Variants in COLEC11 observed in about 807,000 individuals in gnomAD.
The protein encoded by COLEC11 is collectin-11.
Under a neutral mutation model 27.3 loss-of-function variants are expected in COLEC11, and 20 were observed. That is an observed-to-expected ratio of 0.73 (90% confidence interval 0.51 to 1.06). COLEC11 has a LOEUF of 1.06. Ranked by LOEUF, COLEC11 falls within the 50% of genes least tolerant of loss-of-function variation. COLEC11 has a pLI of 0.00. For missense variants in COLEC11, 310 were observed against 383.0 expected, an observed-to-expected ratio of 0.81 and a Z score of 1.59; for synonymous variants, 163 against 154.7, an observed-to-expected ratio of 1.05 and a Z score of -0.40.
chr2:3,626,931 C>T (rs937551082), intron 3 of COLEC11, among the ~76,000 whole-genome samples: 2 of 152,120 alleles, frequency 1.3e-5, no homozygotes, highest in African/African-American at 2.4e-5. Context: ...CGCCACCACC[C>T]TCCACACCCT....
At chr2:3,613,204 C>G (rs6748147) in intron 2 of COLEC11, 107 bp from the exon 3 acceptor site, 28 of 1,269,324 alleles carry the variant, frequency 2.2e-5, no homozygotes, top group Admixed American at 3.9e-5. Flanking sequence ...GCTTGGCCAC[C>G]TGCAGGGACC....
intron 4 of COLEC11, among the ~76,000 whole-genome samples, chr2:3,639,177 T>G (rs1174965435): frequency 6.6e-6 from 1 of 152,246 alleles, no homozygotes; most frequent in South Asian, 2.1e-4. Flanking sequence ...ACCATATGGA[T>G]GGACCACAAT....
In COLEC11 at chr2:3,641,718, A is replaced by AG. The variant is rs546627337; in HGVS notation, c.328+1394dup. On this transcript the variant is annotated intron_variant, in intron 5 of 6. Coordinates refer to ENST00000349077, the MANE Select transcript of COLEC11 (RefSeq NM_024027.5). Reference sequence around the variant, plus strand: ...GTTTCAAATGTGCAAGTGTGAGTGGAGGGGGGGTGTCTCACGTATGAGGGC... The same window carrying AG: ...GTTTCAAATGTGCAAGTGTGAGTGGAGGGGGGGGTGTCTCACGTATGAGGGC... Among the ~76,000 whole-genome samples, 396 of 152,176 alleles carry AG rather than the reference A, an allele frequency of 2.6e-3. 3 individuals are homozygous for AG. Among genetic ancestry groups the AG allele is most frequent in the African/African-American group, 9.1e-3 (377 of 41,524 alleles).
At chr2:3,615,879 G>A (rs1314243245) in intron 3 of COLEC11, among the ~76,000 whole-genome samples, 21 of 147,112 alleles carry the variant, frequency 1.4e-4, no homozygotes, top group Non-Finnish European at 2.3e-4. Context: ...TCCCGGACGC[G>A]GCGGCTGGCC....
chr2:3,629,911 T>TAC (rs1664849992), intron 3 of COLEC11, among the ~76,000 whole-genome samples: 1 of 152,246 alleles, frequency 6.6e-6, no homozygotes, highest in Admixed American at 6.5e-5. Context: ...TTTATGTATG[T>TAC]GTATATGGGC....
chr2:3,644,325 C>A lies in COLEC11; in HGVS notation c.*207C>A. ...TCCTGGGGTGCTGTCTCTGAAGAAGCAGAGTTTCATTACCTGTATTGTAGC... is the reference window on the plus strand; with the variant it reads ...TCCTGGGGTGCTGTCTCTGAAGAAGAAGAGTTTCATTACCTGTATTGTAGC... On this transcript the variant is annotated 3_prime_UTR_variant, in exon 7 of 7. Transcript: ENST00000349077. The A allele has an allele frequency of 1.4e-6, 1 of 715,364 alleles. No homozygotes were observed. The highest frequency in any genetic ancestry group is 2.5e-6 in the Non-Finnish European group (1 of 400,536). 44.3% of individuals were successfully genotyped at this position (715,364 alleles called of 1,614,324 possible).
chr2:3,615,190 G>T (rs1663566882), intron 3 of COLEC11, among the ~76,000 whole-genome samples: 1 of 151,840 alleles, frequency 6.6e-6, no homozygotes, highest in Non-Finnish European at 1.5e-5. Context: ...CTCGCAGAGG[G>T]GGATTTGGCA....
chr2:3,609,352 ATTTTTTTTTTTTTTT>A (rs567474674), intron 2 of COLEC11, among the ~76,000 whole-genome samples: 2 of 87,510 alleles, frequency 2.3e-5, no homozygotes, highest in South Asian at 5.2e-4. Flanking sequence ...TTTTTCTTTG[ATTTTTTTTTTTTTTT>A]TTTTTTTTTT....
intron 5 of COLEC11, chr2:3,641,291 T>C (rs1665845661): frequency 7.7e-7 from 1 of 1,303,884 alleles, no homozygotes; most frequent in Non-Finnish European, 1.0e-6. Context: ...AAGGTGTGCT[T>C]GCCGGTGTGA....
At chr2:3,632,668 G>A (rs1347134383) in intron 3 of COLEC11, among the ~76,000 whole-genome samples, 1 of 152,252 alleles carries the variant, frequency 6.6e-6, no homozygotes, top group East Asian at 1.9e-4. Flanking sequence ...AGCCCTAACA[G>A]ATGGTGCTGC....
At position 3,614,903 on chromosome 2, in the gene COLEC11, A is replaced by C. The variant is rs576692955; in HGVS notation, c.202+1521A>C. On this transcript the variant is annotated intron_variant, in intron 3 of 6. Transcript: ENST00000349077. ...ACAAAGAATTAGGAATCCGAATAAC[A>C]TCAGTCTTCCCAATATTAGCAGTTG... Among the ~76,000 whole-genome samples the C allele has an allele frequency of 4.4e-3, 668 of 152,376 alleles. 4 individuals carry two copies. The highest frequency in any genetic ancestry group is 6.6e-3 in the Non-Finnish European group (451 of 68,034).
chr2:3,603,945 T>C (rs908395225), intron 1 of COLEC11: 2 of 572,130 alleles, frequency 3.5e-6, no homozygotes, highest in Non-Finnish European at 6.2e-6. Flanking sequence ...TGCCCAGCTC[T>C]GCAGAGGCTC....
intron 2 of COLEC11, among the ~76,000 whole-genome samples, chr2:3,604,753 C>T (rs1341029807): frequency 6.6e-6 from 1 of 152,156 alleles, no homozygotes; most frequent in East Asian, 1.9e-4. Flanking sequence ...TCAGACCCTG[C>T]ACACATGGCC....
rs150077720 is a variant in COLEC11 at position 3,643,727 on chromosome 2, C to T, written c.425C>T (p.Ala142Val). The T allele has an allele frequency of 1.2e-6, 2 of 1,613,642 alleles. No individual in the cohort carries two copies. The highest frequency in any genetic ancestry group is 1.7e-6 in the Non-Finnish European group (2 of 1,179,944). ...LTSELKFIKN[A>V]VAGVRETESK... is the part of the protein sequence containing the mutation. ...TTTTCAACCCTGCCTTACCCCACAG[C>T]TGTCGCCGGTGTGCGCGAGACGGAG... The change falls in exon 7 of 7, where the codon GCT becomes GTT. Residue 142 changes from alanine (A) to valine (V), a missense_variant and splice_region_variant. Coordinates refer to ENST00000349077, the MANE Select transcript of COLEC11 (RefSeq NM_024027.5).
In COLEC11 at chr2:3,613,382, G is replaced by T; in HGVS notation, c.202G>T (p.Gly68Ter). The change falls in exon 3 of 7, where the codon GGA (glycine) becomes TGA (stop). Residue 68 changes from glycine (G) to a stop codon, truncating the protein, a stop_gained and splice_region_variant. Coordinates refer to ENST00000349077, the MANE Select transcript of COLEC11 (RefSeq NM_024027.5). LOFTEE classifies it high-confidence loss of function. ...AAGAGTCGGCCCCACGGGAGAAAAA[G>T]GTACCTGCAGCCCTGGGCCGGCCCT... The part of the protein sequence containing the change: ...PGRVGPTGEK[G>*]DMGDKGQKGS... 4 of 1,593,020 alleles carry T rather than the reference G, an allele frequency of 2.5e-6. No individual in the cohort carries two copies. Among genetic ancestry groups the T allele is most frequent in the Non-Finnish European group, 3.4e-6 (4 of 1,169,546 alleles).
intron 4 of COLEC11, 30 bp downstream of exon 4, chr2:3,637,634 C>A (rs751190389): frequency 2.6e-6 from 4 of 1,552,776 alleles, no homozygotes; most frequent in Non-Finnish European, 3.6e-6. Context: ...TGCCTCATTT[C>A]CCCCCTGCCC....
intron 3 of COLEC11, among the ~76,000 whole-genome samples, chr2:3,619,197 C>G (rs142105442): frequency 0.023 from 3,470 of 151,028 alleles, 131 homozygotes; most frequent in African/African-American, 0.078. Flanking sequence ...CCTTTCTCTT[C>G]CTTTCTTTCT....
intron 3 of COLEC11, among the ~76,000 whole-genome samples, chr2:3,626,432 G>C (rs1298425969): frequency 6.6e-6 from 1 of 151,976 alleles, no homozygotes; most frequent in African/African-American, 2.4e-5. Flanking sequence ...TGGGGGGTGG[G>C]GGGTGGGGAT....
At position 3,644,622 on chromosome 2, in the gene COLEC11, A is replaced by C. The variant is rs1432717157; in HGVS notation, c.*504A>C. The C allele has an allele frequency of 2.8e-6, 1 of 360,898 alleles. No homozygotes were observed. Among genetic ancestry groups the C allele is most frequent in the Non-Finnish European group, 5.4e-6 (1 of 184,896 alleles). 22.4% of individuals were successfully genotyped at this position (360,898 alleles called of 1,614,324 possible). On this transcript the variant is annotated 3_prime_UTR_variant, in exon 7 of 7. Coordinates refer to ENST00000349077, the MANE Select transcript of COLEC11 (RefSeq NM_024027.5). ...TTCAAACCCAGATTTCAGGAAAACA[A>C]CAACAAAATTCTCCAAACTTTACTA...
Sources: gnomAD v4.1 joint callset for allele counts (sites outside exome capture counted in the v4.1 genomes callset) on GRCh38, gnomAD v4.1.1 for gene constraint, MANE v1.5 for transcripts, NCBI Gene and HGNC (gene_info 2026-07-23, HGNC 2026-07-21) for gene names.